Variants in CUL5 observed in about 807,000 individuals in gnomAD.
The protein encoded by CUL5 is cullin-5.
In CUL5, 26 loss-of-function variants were observed where a neutral mutation model predicts 108.8. The ratio of observed to expected loss-of-function variants is 0.24; its 90% confidence interval spans 0.18 to 0.33. The LOEUF is 0.33. Ranked by LOEUF, CUL5 falls within the 10% of genes least tolerant of loss-of-function variation. CUL5 has a pLI of 1.00. For synonymous variants in CUL5, 334 were observed against 298.0 expected (o/e 1.12, Z -1.25); for missense variants, 524 against 909.2 (o/e 0.58, Z 5.45).
chr11:108,094,240 A>G, intron 13 of CUL5, 151 bp from the exon 14 acceptor site: 1 of 544,208 alleles, frequency 1.8e-6, no homozygotes, highest in Non-Finnish European at 3.1e-6. Context: ...CTAAGTAGCA[A>G]ATTTCATAGG....
chr11:108,015,284 A>C (rs938143618), intron 1 of CUL5, among the ~76,000 whole-genome samples: 53 of 152,346 alleles, frequency 3.5e-4, no homozygotes, highest in African/African-American at 1.1e-3. Flanking sequence ...CAAGTCATGT[A>C]CATATTTAGA....
intron 7 of CUL5, among the ~76,000 whole-genome samples, chr11:108,058,144 G>T (rs1284105917): frequency 6.8e-6 from 1 of 147,106 alleles, no homozygotes; most frequent in Non-Finnish European, 1.5e-5. Flanking sequence ...GGGAGGCAGA[G>T]GTTGCAGTGA....
chr11:108,030,299 C>G (rs1448805082), intron 1 of CUL5, among the ~76,000 whole-genome samples: 2 of 152,166 alleles, frequency 1.3e-5, no homozygotes, highest in African/African-American at 4.8e-5. Context: ...CGTAGCTAAT[C>G]CCAGTACTAA....
chr11:108,051,087 G>A (rs1330004537), intron 4 of CUL5, among the ~76,000 whole-genome samples: 3 of 152,158 alleles, frequency 2.0e-5, no homozygotes, highest in Non-Finnish European at 2.9e-5. Context: ...TGTAACCTGG[G>A]CATTGTTGCC....
intron 1 of CUL5, among the ~76,000 whole-genome samples, chr11:108,014,747 T>C (rs1862138156): frequency 6.6e-6 from 1 of 152,274 alleles, no homozygotes; most frequent in South Asian, 2.1e-4. Context: ...GGCAGACAGC[T>C]CCTGCCCTTG....
chr11:108,084,485 A>G (rs1008446415), intron 11 of CUL5, among the ~76,000 whole-genome samples: 1 of 152,256 alleles, frequency 6.6e-6, no homozygotes, highest in African/African-American at 2.4e-5. Context: ...CAGGAGGGAC[A>G]TATCTTCGAT....
intron 13 of CUL5, among the ~76,000 whole-genome samples, chr11:108,091,368 A>T: frequency 1.6e-5 from 1 of 62,776 alleles, no homozygotes; most frequent in East Asian, 5.8e-4. Context: ...TTTCTTTGTT[A>T]AAAAAAAAAT....
At chr11:108,010,767 A>C (rs1178595964) in intron 1 of CUL5, among the ~76,000 whole-genome samples, 1 of 152,166 alleles carries the variant, frequency 6.6e-6, no homozygotes, top group Non-Finnish European at 1.5e-5. Context: ...TTTCTCTTTT[A>C]TAATGGTATA....
At chr11:108,048,733 C>T (rs1288118299) in intron 3 of CUL5, among the ~76,000 whole-genome samples, 6 of 145,626 alleles carry the variant, frequency 4.1e-5, no homozygotes, top group African/African-American at 1.6e-4. Flanking sequence ...GTAGCGCGAT[C>T]TCGGCTCACT....
intron 2 of CUL5, among the ~76,000 whole-genome samples, chr11:108,034,302 C>G (rs1862670933): frequency 6.6e-6 from 1 of 152,158 alleles, no homozygotes; most frequent in Admixed American, 6.5e-5. Context: ...ACCAGAGAAG[C>G]TTATTGGAGA....
intron 1 of CUL5, among the ~76,000 whole-genome samples, chr11:108,033,040 A>T (rs934609224): frequency 6.6e-6 from 1 of 152,234 alleles, no homozygotes; most frequent in Admixed American, 6.5e-5. Context: ...AGAAAGGCTC[A>T]TAGCATTTAG....
Position 108,089,750 on chromosome 11 carries a change from G to A in CUL5, c.1443+127G>A, listed in dbSNP as rs374973043. ...AGGAAACATTTTATAAGAATATAGC[G>A]TCAGTTAGGCCGGGCGCACTGGCTC... On this transcript the variant is annotated intron_variant, in intron 13 of 18. Transcript: ENST00000393094. 1.2e-4 allele frequency: 65 copies of A among 553,832 alleles called. 1 individual carries two copies. The South Asian group carries it at 1.2e-3, about 11-fold the overall frequency. The allele number at this position is 553,832 out of a possible 1,614,324, so 34.3% of individuals were successfully genotyped here.
chr11:108,081,149 G>A (rs1864072464), intron 11 of CUL5, among the ~76,000 whole-genome samples: 2 of 151,926 alleles, frequency 1.3e-5, no homozygotes, highest in South Asian at 2.1e-4. Flanking sequence ...TTAGCCAGGC[G>A]TGGTGGCTCA....
intron 2 of CUL5, among the ~76,000 whole-genome samples, chr11:108,039,761 A>G (rs987141931): frequency 6.6e-6 from 1 of 152,162 alleles, no homozygotes; most frequent in Non-Finnish European, 1.5e-5. Flanking sequence ...GGGCTTGGTT[A>G]TTCAGTTCAG....
At chr11:108,042,273 G>A (rs537601453) in intron 2 of CUL5, among the ~76,000 whole-genome samples, 27 of 143,758 alleles carry the variant, frequency 1.9e-4, no homozygotes, top group Admixed American at 1.2e-3. Context: ...AGGCTGCAGC[G>A]CAGTGGTGCA....
At chr11:108,074,599 G>A (rs183044430) in intron 10 of CUL5, among the ~76,000 whole-genome samples, 152 of 152,076 alleles carry the variant, frequency 1.0e-3, no homozygotes, top group Admixed American at 3.4e-3. Context: ...GAGGTCGGGA[G>A]TTCGAGATCA....
intron 1 of CUL5, among the ~76,000 whole-genome samples, 170 bp downstream of exon 1, chr11:108,009,542 TG>T (rs1242704958): frequency 1.3e-5 from 2 of 151,660 alleles, no homozygotes; most frequent in Non-Finnish European, 2.9e-5. Flanking sequence ...TCTGTGGCCT[TG>T]GGGTCGACAG....
chr11:108,012,059 A>G (rs1199457204), intron 1 of CUL5, among the ~76,000 whole-genome samples: 1 of 152,196 alleles, frequency 6.6e-6, no homozygotes, highest in Non-Finnish European at 1.5e-5. Context: ...ATATACAGTT[A>G]ACTGCTTAGG....
At chr11:108,086,070 A>G (rs531317477) in intron 11 of CUL5, among the ~76,000 whole-genome samples, 4 of 152,338 alleles carry the variant, frequency 2.6e-5, no homozygotes, top group South Asian at 4.1e-4. Context: ...GTCTAAAACC[A>G]TATATAATTG....
Sources: allele counts gnomAD v4.1 joint callset (sites outside exome capture counted in the v4.1 genomes callset), GRCh38; gene constraint gnomAD v4.1.1; transcripts MANE v1.5; gene names NCBI Gene and HGNC (gene_info 2026-07-23, HGNC 2026-07-21).